EYS: variants seen among roughly 807,000 people sequenced by gnomAD.
EYS encodes protein eyes shut homolog.
In EYS, 250 loss-of-function variants were observed where a neutral mutation model predicts 282.1. The observed-to-expected ratio is 0.89, with a 90% confidence interval of 0.80 to 0.98. EYS has a LOEUF of 0.98. Among genes scored for constraint, EYS ranks in the 50% least tolerant of loss-of-function variants. The pLI, the probability that EYS is intolerant of heterozygous loss-of-function variation, is 0.00. For missense variants in EYS, 4,016 were observed against 3,709.0 expected (o/e 1.08, Z -2.15); for synonymous variants, 1,355 against 1,282.9 (o/e 1.06, Z -1.20).
At chr6:63,954,545 C>T (rs56400903) in intron 35 of EYS, among the ~76,000 whole-genome samples, 2,677 of 152,298 alleles carry the variant, frequency 0.018, 29 homozygotes, top group Non-Finnish European at 0.027. Flanking sequence ...CTCAAGGCCG[C>T]TTTACTTCCA....
chr6:64,059,307 T>C (rs1771084887), intron 33 of EYS, among the ~76,000 whole-genome samples: 2 of 152,148 alleles, frequency 1.3e-5, no homozygotes, highest in African/African-American at 4.8e-5. Context: ...AAGATGAGGA[T>C]TTGGGCCCTA....
chr6:64,241,538 G>A (rs1766827052), intron 30 of EYS, among the ~76,000 whole-genome samples: 1 of 151,914 alleles, frequency 6.6e-6, no homozygotes, highest in East Asian at 1.9e-4. Flanking sequence ...TCTGATGGTA[G>A]TTTGTATTTC....
chr6:64,838,180 A>G (rs1465423840), intron 19 of EYS, among the ~76,000 whole-genome samples: 1 of 151,786 alleles, frequency 6.6e-6, no homozygotes, highest in African/African-American at 2.4e-5. Flanking sequence ...TTTTACATGT[A>G]TTTCATAAAT....
intron 19 of EYS, among the ~76,000 whole-genome samples, chr6:64,826,014 T>C (rs772695657): frequency 4.6e-5 from 7 of 151,772 alleles, no homozygotes; most frequent in Non-Finnish European, 7.4e-5. Flanking sequence ...AAAGAAATAA[T>C]AGTATTTATT....
intron 22 of EYS, among the ~76,000 whole-genome samples, chr6:64,706,011 A>T (rs1397723585): frequency 1.1e-5 from 1 of 90,830 alleles, no homozygotes; most frequent in Non-Finnish European, 2.5e-5. Context: ...ACTAAATAAA[A>T]ATTATTCAAA....
rs965991295 is a variant in EYS at position 64,780,534 on chromosome 6, G to A, written c.3443+32844C>T. ...ACTCCAGAAGGGGAGAGGGAAGGACGGGGTTGAGGGTTGAACAATTATCTG... is the reference window on the plus strand; with the variant it reads ...ACTCCAGAAGGGGAGAGGGAAGGACAGGGTTGAGGGTTGAACAATTATCTG... On this transcript the variant is annotated intron_variant, in intron 22 of 42. Coordinates refer to ENST00000503581, the MANE Select transcript of EYS (RefSeq NM_001142800.2). 7.9e-5 allele frequency among the ~76,000 whole-genome samples: 12 copies of A among 152,170 alleles called. No homozygotes were observed. The South Asian group carries it at 2.3e-3, about 29-fold the overall frequency.
intron 37 of EYS, among the ~76,000 whole-genome samples, chr6:63,805,833 T>C (rs1770891874): frequency 6.6e-6 from 1 of 152,222 alleles, no homozygotes; most frequent in Admixed American, 6.5e-5. Context: ...GAAAGTACTC[T>C]GCTTCCTCTT....
intron 36 of EYS, among the ~76,000 whole-genome samples, chr6:63,834,364 G>GA (rs1371711017): frequency 6.6e-6 from 1 of 150,912 alleles, no homozygotes; most frequent in East Asian, 1.9e-4. Context: ...AAATTTACAA[G>GA]AAAAAACCCC....
At chr6:64,006,078 A>G (rs1768333379) in intron 33 of EYS, among the ~76,000 whole-genome samples, 1 of 152,218 alleles carries the variant, frequency 6.6e-6, no homozygotes, top group Non-Finnish European at 1.5e-5. Flanking sequence ...CATATTAGCA[A>G]TATTGATTCT....
chr6:65,516,202 A>T (rs556704285), intron 2 of EYS, among the ~76,000 whole-genome samples: 1 of 152,258 alleles, frequency 6.6e-6, no homozygotes, highest in Non-Finnish European at 1.5e-5. Context: ...TAATTTTTGT[A>T]TAATGTGACA....
chr6:64,166,349 T>C (rs565470076), intron 31 of EYS, among the ~76,000 whole-genome samples: 3 of 152,208 alleles, frequency 2.0e-5, no homozygotes, highest in Non-Finnish European at 4.4e-5. Flanking sequence ...GCCTGCTAGG[T>C]TAGGTTCAAG....
intron 26 of EYS, among the ~76,000 whole-genome samples, chr6:64,470,806 G>T (rs1325500034): frequency 6.6e-6 from 1 of 151,744 alleles, no homozygotes; most frequent in Non-Finnish European, 1.5e-5. Context: ...GAATACATAA[G>T]AATAAAAAAA....
chr6:63,815,856 G>A (rs542575576), intron 36 of EYS, among the ~76,000 whole-genome samples: 1 of 151,988 alleles, frequency 6.6e-6, no homozygotes, highest in African/African-American at 2.4e-5. Flanking sequence ...TTTGTTTTTG[G>A]TATTGTATAA....
At chr6:65,133,313 C>A (rs1044124171) in intron 12 of EYS, among the ~76,000 whole-genome samples, 2 of 151,506 alleles carry the variant, frequency 1.3e-5, no homozygotes, top group Admixed American at 6.6e-5. Flanking sequence ...CAAAAAACAC[C>A]AAACAAGCAA....
At chr6:63,876,647 G>A (rs1367876706) in intron 35 of EYS, among the ~76,000 whole-genome samples, 1 of 152,062 alleles carries the variant, frequency 6.6e-6, no homozygotes, top group East Asian at 1.9e-4. Flanking sequence ...TATGAATCTG[G>A]GTGCTCCTGT....
At chr6:63,844,685 T>C (rs1282303615) in intron 36 of EYS, among the ~76,000 whole-genome samples, 1 of 152,168 alleles carries the variant, frequency 6.6e-6, no homozygotes, top group Non-Finnish European at 1.5e-5. Context: ...TCATATCCTT[T>C]GCACGCTTTT....
At chr6:64,183,163 A>G (rs1764837253) in intron 31 of EYS, among the ~76,000 whole-genome samples, 1 of 152,122 alleles carries the variant, frequency 6.6e-6, no homozygotes, top group East Asian at 1.9e-4. Flanking sequence ...CGATGTGAAG[A>G]AGGACATGTT....
At chr6:65,467,363 A>G (rs1402318079) in intron 5 of EYS, among the ~76,000 whole-genome samples, 1 of 152,120 alleles carries the variant, frequency 6.6e-6, no homozygotes, top group Non-Finnish European at 1.5e-5. Flanking sequence ...TGAATACAAG[A>G]TTTCCACAAG....
At chr6:64,651,455 G>T (rs12205867) in intron 22 of EYS, among the ~76,000 whole-genome samples, 23,998 of 152,090 alleles carry the variant, frequency 0.16, 2,374 homozygotes, top group East Asian at 0.23. Context: ...AGGGAAGAGA[G>T]AATATGAAAG....
Sources: gnomAD v4.1 joint callset for allele counts (sites outside exome capture counted in the v4.1 genomes callset) on GRCh38, gnomAD v4.1.1 for gene constraint, MANE v1.5 for transcripts, NCBI Gene and HGNC (gene_info 2026-07-23, HGNC 2026-07-21) for gene names.